Variants in FAM131C observed in about 807,000 individuals in gnomAD.
FAM131C encodes family with sequence similarity 131 member C.
Under a neutral mutation model 29.8 loss-of-function variants are expected in FAM131C, and 14 were observed. The ratio of observed to expected loss-of-function variants is 0.47; its 90% CI spans 0.31 to 0.73. FAM131C has a LOEUF of 0.73. Ranked by LOEUF, FAM131C falls within the 30% of genes least tolerant of loss-of-function variation. The probability of loss-of-function intolerance (pLI) is 0.05; values close to 1 mark genes in which losing one functional copy is unlikely to be tolerated. For missense variants in FAM131C, 252 were observed against 383.8 expected (o/e 0.66, Z 2.87); for synonymous variants, 86 against 157.8 (o/e 0.54, Z 3.41).
intron 1 of FAM131C, among the ~76,000 whole-genome samples, chr1:16,072,859 C>G (rs2023767074): frequency 1.3e-5 from 2 of 151,990 alleles, no homozygotes; most frequent in African/African-American, 4.8e-5. Context: ...TGTCCCCTGT[C>G]CAAGGATGGG....
rs117700932 is a variant in FAM131C at position 16,069,775 on chromosome 1, T to C, written c.22+3646A>G. 1.2e-4 allele frequency among the ~76,000 whole-genome samples: 18 copies of C among 152,286 alleles called. No homozygotes were observed. In the East Asian group the frequency reaches 2.1e-3, roughly 18 times the overall value. ...ACTGGCCATATACTTAGCACCTCTT[T>C]TTGTTTTTGAGACAGGGTCTTTGTT... On this transcript the variant is annotated intron_variant, in intron 1 of 6. Transcript: ENST00000375662.
At chr1:16,062,427 T>C in intron 3 of FAM131C, 72 bp downstream of exon 3, 1 of 701,526 alleles carries the variant, frequency 1.4e-6, no homozygotes, top group Non-Finnish European at 2.3e-6. Context: ...GTGCCTGGGC[T>C]GGGCACAAAG....
At chr1:16,066,877 G>A (rs770432088) in intron 1 of FAM131C, among the ~76,000 whole-genome samples, 13 of 152,230 alleles carry the variant, frequency 8.5e-5, no homozygotes, top group Non-Finnish European at 4.4e-5. Context: ...GCCAGGGCCC[G>A]CCAAGGTGCA....
At chr1:16,068,823 C>T (rs983344727) in intron 1 of FAM131C, among the ~76,000 whole-genome samples, 17 of 152,206 alleles carry the variant, frequency 1.1e-4, no homozygotes, top group African/African-American at 4.1e-4. Flanking sequence ...GACCTGGCCT[C>T]TGGGAACATC....
In FAM131C at chr1:16,073,497, T is replaced by G. The variant is rs2124139436; in HGVS notation, c.-55A>C. ...CCGGGGTGCGTGGGGCCGCGGGGCGTTCATGTCTCCGCGGGCCCGGGGCTG... is the reference window on the plus strand; with the variant it reads ...CCGGGGTGCGTGGGGCCGCGGGGCGGTCATGTCTCCGCGGGCCCGGGGCTG... On this transcript the variant is annotated 5_prime_UTR_variant, in exon 1 of 7. Transcript: ENST00000375662. The G allele has an allele frequency of 4.5e-6, 5 of 1,118,942 alleles. No homozygotes were observed. The highest frequency in any genetic ancestry group is 5.6e-6 in the Non-Finnish European group (5 of 896,974). 69.3% of individuals were successfully genotyped at this position (1,118,942 alleles called of 1,614,324 possible). A position where few individuals can be genotyped will look rare whatever the true frequency, so the allele number is the denominator to read the frequency against.
chr1:16,071,761 G>C (rs1031829032), intron 1 of FAM131C, among the ~76,000 whole-genome samples: 1 of 152,196 alleles, frequency 6.6e-6, no homozygotes, highest in Non-Finnish European at 1.5e-5. Context: ...GGTGGAGGGA[G>C]CCCCAGGTGT....
chr1:16,065,973 C>T (rs1044371827), intron 1 of FAM131C, among the ~76,000 whole-genome samples: 1 of 152,006 alleles, frequency 6.6e-6, no homozygotes, highest in Non-Finnish European at 1.5e-5. Context: ...GATCTCGACT[C>T]ACTCTAACCT....
chr1:16,073,084 G>C (rs1175610375), intron 1 of FAM131C, among the ~76,000 whole-genome samples: 1 of 152,048 alleles, frequency 6.6e-6, no homozygotes, highest in Non-Finnish European at 1.5e-5. Flanking sequence ...CAGTTCCTCC[G>C]GGAAGCCAGG....
intron 1 of FAM131C, among the ~76,000 whole-genome samples, chr1:16,068,362 C>T (rs2023709072): frequency 6.6e-6 from 1 of 152,250 alleles, no homozygotes; most frequent in African/African-American, 2.4e-5. Context: ...GAGGAAGCAC[C>T]TGCCACAGCA....
chr1:16,072,089 C>T (rs1318349183), intron 1 of FAM131C, among the ~76,000 whole-genome samples: 1 of 152,238 alleles, frequency 6.6e-6, no homozygotes, highest in Non-Finnish European at 1.5e-5. Context: ...GGCTGCAGGC[C>T]TCCCGTACCA....
In FAM131C at chr1:16,073,437, G is replaced by A; in HGVS notation, c.6C>T (p.Gly2=). The A allele has an allele frequency of 1.7e-6, 2 of 1,210,960 alleles. No homozygotes were observed. The highest frequency in any genetic ancestry group is 2.1e-6 in the Non-Finnish European group (2 of 974,170). 75.0% of individuals were successfully genotyped at this position (1,210,960 alleles called of 1,614,324 possible). Residue 2 remains glycine (G), a synonymous_variant, in exon 1 of 7, where the codon GGC becomes GGT. Coordinates refer to ENST00000375662, the MANE Select transcript of FAM131C (RefSeq NM_182623.3). Reference sequence around the variant, plus strand: ...CCCCCTCACCTCGCGACACGCAGGAGCCCATCACGGGGCCGCGGGGCCGGG... The same window carrying A: ...CCCCCTCACCTCGCGACACGCAGGAACCCATCACGGGGCCGCGGGGCCGGG... M[G]SCVSRDLFTS... is the part of the protein sequence containing the mutation.
chr1:16,066,423 A>G (rs931200490), intron 1 of FAM131C, among the ~76,000 whole-genome samples: 4 of 152,166 alleles, frequency 2.6e-5, no homozygotes, highest in Admixed American at 1.3e-4. Context: ...TGCACACCAT[A>G]GCACTCAGCT....
intron 4 of FAM131C, among the ~76,000 whole-genome samples, chr1:16,061,200 C>T (rs2023588592): frequency 6.6e-6 from 1 of 152,160 alleles, no homozygotes; most frequent in African/African-American, 2.4e-5. Flanking sequence ...CCCTCCCACC[C>T]ACTAAGTTGG....
At chr1:16,062,629 G>A (rs2124127946) in intron 2 of FAM131C, 95 bp from the exon 3 acceptor site, 1 of 1,506,200 alleles carries the variant, frequency 6.6e-7, no homozygotes, top group Non-Finnish European at 8.9e-7. Flanking sequence ...GTGGGGGTCA[G>A]CCTTCTTCTG....
At position 16,073,504 on chromosome 1, in the gene FAM131C, C is replaced by T. The variant is rs1304768901; in HGVS notation, c.-62G>A. 9.3e-7 allele frequency: 1 copy of T among 1,074,180 alleles called. No individual in the cohort carries two copies. Among genetic ancestry groups the T allele is most frequent in the Non-Finnish European group, 1.2e-6 (1 of 857,416 alleles). 66.5% of individuals were successfully genotyped at this position (1,074,180 alleles called of 1,614,324 possible). A position where few individuals can be genotyped will look rare whatever the true frequency, so the allele number is the denominator to read the frequency against. On this transcript the variant is annotated 5_prime_UTR_variant, in exon 1 of 7. Coordinates refer to ENST00000375662, the MANE Select transcript of FAM131C (RefSeq NM_182623.3). ...GCGTGGGGCCGCGGGGCGTTCATGTCTCCGCGGGCCCGGGGCTGAGCGCTG... is the reference window on the plus strand; with the variant it reads ...GCGTGGGGCCGCGGGGCGTTCATGTTTCCGCGGGCCCGGGGCTGAGCGCTG...
At chr1:16,062,683 T>A (rs2023619787) in intron 2 of FAM131C, 149 bp from the exon 3 acceptor site, 1 of 1,352,692 alleles carries the variant, frequency 7.4e-7, no homozygotes, top group Non-Finnish European at 9.9e-7. Context: ...GGTCATGCTC[T>A]GGTGTCCCCC....
Position 16,059,622 on chromosome 1 carries a change from T to G in FAM131C, c.452-18A>C. 6.4e-7 allele frequency: 1 copy of G among 1,574,162 alleles called. No individual in the cohort carries two copies. The highest frequency in any genetic ancestry group is 8.6e-7 in the Non-Finnish European group (1 of 1,156,848). ...GGCGACCCCTGGGGGAACAGCGAGA[T>G]CCAGCTCAGGGGGGCATGGGTGGGG... On this transcript the variant is annotated intron_variant, in intron 5 of 6. Coordinates refer to ENST00000375662, the MANE Select transcript of FAM131C (RefSeq NM_182623.3).
At chr1:16,073,341 T>C (rs1183218599) in intron 1 of FAM131C, 80 bp downstream of exon 1, 2 of 824,594 alleles carry the variant, frequency 2.4e-6, no homozygotes, top group African/African-American at 1.8e-5. Flanking sequence ...GCCAGCCCCA[T>C]CCCCCAGGTC....
At chr1:16,072,940 C>A (rs1380313550) in intron 1 of FAM131C, among the ~76,000 whole-genome samples, 1 of 152,074 alleles carries the variant, frequency 6.6e-6, no homozygotes, top group Admixed American at 6.5e-5. Flanking sequence ...CCCTTTCCTG[C>A]CAACAGGGTT....
Sources: gnomAD v4.1 joint callset for allele counts (sites outside exome capture counted in the v4.1 genomes callset) on GRCh38, gnomAD v4.1.1 for gene constraint, MANE v1.5 for transcripts, NCBI Gene and HGNC (gene_info 2026-07-23, HGNC 2026-07-21) for gene names.